The following SMC5 variants were observed in gnomAD, a reference collection of about 807,000 sequenced individuals.
The protein encoded by SMC5 is structural maintenance of chromosomes 5.
SMC5 carries 88 observed loss-of-function variants against 148.3 expected under a neutral mutation model. The ratio of observed to expected loss-of-function variants is 0.59; its 90% CI spans 0.50 to 0.71. SMC5 has a LOEUF of 0.71. Ranked by LOEUF, SMC5 falls within the 30% of genes least tolerant of loss-of-function variation. SMC5 has a pLI of 0.00. For synonymous variants in SMC5, 421 were observed against 432.8 expected, an observed-to-expected ratio of 0.97 and a Z score of 0.34; for missense variants, 1,142 against 1,298.9, an observed-to-expected ratio of 0.88 and a Z score of 1.86.
chr9:70,278,629 C>G lies in SMC5; in HGVS notation c.678+4C>G. The G allele has an allele frequency of 6.3e-7, 1 of 1,595,182 alleles. No individual in the cohort carries two copies. The highest frequency in any genetic ancestry group is 2.2e-5 in the East Asian group (1 of 44,532). Reference sequence around the variant, plus strand: ...GGAGAAAGAAAAACAGCTCGAGGTACTTTAAATAGACAACTCATTTGTATT... The same window carrying G: ...GGAGAAAGAAAAACAGCTCGAGGTAGTTTAAATAGACAACTCATTTGTATT... On this transcript the variant is annotated splice_donor_region_variant and intron_variant, in intron 5 of 24. Transcript: ENST00000361138.
rs776013279 is a variant in SMC5, at chr9:70,347,649, G to A, written c.2701G>A (p.Glu901Lys). ...QEYTKREEEI[E>K]QLTEELKGKK... The stretch of plus-strand genomic sequence containing the variant: ...ATATACAAAAAGAGAAGAAGAAATA[G>A]AACAGTTAACTGAGGAACTAAAGGG... The change falls in exon 21 of 25, where the codon GAA becomes AAA. Residue 901 changes from glutamate (E) to lysine (K), a missense_variant. By Grantham distance (56) the Glu-to-Lys change is moderately conservative. Around this residue, in one of 5 missense-constraint regions of SMC5, gnomAD observed 743 missense variants for 835.7 expected, o/e 0.89. Coordinates refer to ENST00000361138, the MANE Select transcript of SMC5 (RefSeq NM_015110.4). 1.3e-6 allele frequency: 2 copies of A among 1,582,430 alleles called. No homozygotes were observed. The highest frequency in any genetic ancestry group is 1.7e-6 in the Non-Finnish European group (2 of 1,169,542).
chr9:70,350,418 G>A lies in SMC5; in HGVS notation c.3112G>A (p.Val1038Ile), dbSNP rs747781398. 6.2e-7 allele frequency: 1 copy of A among 1,604,688 alleles called. No homozygotes were observed. The highest frequency in any genetic ancestry group is 8.5e-7 in the Non-Finnish European group (1 of 1,177,456). The change falls in exon 24 of 25, where the codon GTA becomes ATA. Residue 1038 changes from valine to isoleucine, a missense_variant. Transcript: ENST00000361138. ...TGAACGGAGAGTGTTTGAAATGGTT[G>A]TAAATACTGCCTGTAAAGAAAATAC... ...INERRVFEMV[V>I]NTACKENTSQ... is the part of the protein sequence containing the mutation.
At chr9:70,306,897 C>G (rs1251110129) in intron 11 of SMC5, among the ~76,000 whole-genome samples, 2 of 152,158 alleles carry the variant, frequency 1.3e-5, no homozygotes, top group African/African-American at 4.8e-5. Flanking sequence ...ATTGTATCTA[C>G]TAGAGTACCA....
At chr9:70,327,023 T>C (rs1203754005) in intron 17 of SMC5, among the ~76,000 whole-genome samples, 1 of 152,202 alleles carries the variant, frequency 6.6e-6, no homozygotes, top group African/African-American at 2.4e-5. Context: ...TAAAAGAAGA[T>C]ACATAATAAA....
chr9:70,347,101 T>C lies in SMC5; in HGVS notation c.2604T>C (p.Ile868=), dbSNP rs116487684. The part of the protein sequence containing the change: ...FQDLPNTLDE[I]DALLTEERSR... The stretch of plus-strand genomic sequence containing the variant: ...ACCTTCCAAACACATTGGATGAAAT[T>C]GATGCTTTATTAACTGAAGAAAGAT... Residue 868 remains isoleucine, a synonymous_variant, in exon 20 of 25, where the codon ATT becomes ATC. Coordinates refer to ENST00000361138, the MANE Select transcript of SMC5 (RefSeq NM_015110.4). The C allele has an allele frequency of 3.1e-6, 5 of 1,614,020 alleles. No individual in the cohort carries two copies. The East Asian group carries it at 6.7e-5, about 22-fold the overall frequency.
At chr9:70,297,477 G>C (rs2035232557) in intron 8 of SMC5, among the ~76,000 whole-genome samples, 1 of 152,196 alleles carries the variant, frequency 6.6e-6, no homozygotes, top group Non-Finnish European at 1.5e-5. Context: ...GTGGTGTCAT[G>C]TCAGCACTAA....
chr9:70,304,115 G>T (rs537849206), intron 10 of SMC5, among the ~76,000 whole-genome samples: 1 of 152,156 alleles, frequency 6.6e-6, no homozygotes, highest in East Asian at 1.9e-4. Flanking sequence ...TTTAGAGACA[G>T]TTTCACTCTG....
chr9:70,263,775 G>C (rs1361648832), intron 1 of SMC5, among the ~76,000 whole-genome samples: 1 of 152,130 alleles, frequency 6.6e-6, no homozygotes, highest in Non-Finnish European at 1.5e-5. Flanking sequence ...ACATACCATG[G>C]TGCCTGGCTT....
At chr9:70,297,292 C>CT (rs2035227191) in intron 8 of SMC5, among the ~76,000 whole-genome samples, 1 of 152,228 alleles carries the variant, frequency 6.6e-6, no homozygotes, top group African/African-American at 2.4e-5. Flanking sequence ...GTGTCGCTGT[C>CT]TCAGCCACCC....
chr9:70,282,626 A>G lies in SMC5; in HGVS notation c.981+43A>G, dbSNP rs777533784. ...TTTTGGATTATCTGAATTTTATTTT[A>G]GCAAATATAAAAAATATTTTGCAGG... On this transcript the variant is annotated intron_variant, in intron 7 of 24. Transcript: ENST00000361138. The G allele has an allele frequency of 6.6e-6, 10 of 1,507,638 alleles. No homozygotes were observed. In the South Asian group the frequency reaches 1.1e-4, roughly 16 times the overall value. 93.4% of individuals were successfully genotyped at this position (1,507,638 alleles called of 1,614,324 possible). A position where few individuals can be genotyped will look rare whatever the true frequency, so the allele number is the denominator to read the frequency against.
chr9:70,329,957 G>T (rs552941212), intron 17 of SMC5, among the ~76,000 whole-genome samples: 1 of 152,214 alleles, frequency 6.6e-6, no homozygotes, highest in South Asian at 2.1e-4. Flanking sequence ...AGAGAGAAGG[G>T]GGAAGTGCTG....
At chr9:70,263,823 T>C (rs966175537) in intron 1 of SMC5, among the ~76,000 whole-genome samples, 1 of 152,206 alleles carries the variant, frequency 6.6e-6, no homozygotes, top group African/African-American at 2.4e-5. Context: ...ATGAAACCTT[T>C]GGGTTGAGAT....
intron 10 of SMC5, among the ~76,000 whole-genome samples, chr9:70,304,709 AAAATAGATCAAT>A (rs2035452044): frequency 6.6e-6 from 1 of 152,168 alleles, no homozygotes; most frequent in South Asian, 2.1e-4. Context: ...GAGAAAAGTA[AAAATAGATCAAT>A]AAGATTATGT....
intron 17 of SMC5, among the ~76,000 whole-genome samples, chr9:70,342,231 G>A (rs2036546075): frequency 8.1e-6 from 1 of 124,040 alleles, no homozygotes; most frequent in East Asian, 2.5e-4. Context: ...ACAGTCTGGG[G>A]ACTGTTGTGG....
Position 70,282,528 on chromosome 9 carries a change from G to A in SMC5, c.926G>A (p.Arg309Gln), listed in dbSNP as rs145999559. 8 of 1,594,160 alleles carry A rather than the reference G, an allele frequency of 5.0e-6. No homozygotes were observed. The highest frequency in any genetic ancestry group is 6.8e-6 in the Non-Finnish European group (8 of 1,173,194). The change falls in exon 7 of 25, where the codon CGA (arginine) becomes CAA (glutamine). Residue 309 changes from arginine to glutamine, a missense_variant. Arg to Gln is a conservative substitution (Grantham distance 43). Transcript: ENST00000361138. ...LKEGQIPVTC[R>Q]IEEMENERHN... ...GAAGGGCAGATTCCTGTAACATGTC[G>A]AATTGAAGAAATGGAAAACGAGCGT... is the stretch of plus-strand genomic sequence containing the variant.
chr9:70,287,420 A>C (rs1442144250), intron 8 of SMC5, among the ~76,000 whole-genome samples: 1 of 152,168 alleles, frequency 6.6e-6, no homozygotes, highest in Non-Finnish European at 1.5e-5. Flanking sequence ...GCCTGACGAC[A>C]AAATTATGTT....
At chr9:70,292,745 C>G (rs1388451458) in intron 8 of SMC5, among the ~76,000 whole-genome samples, 1 of 152,088 alleles carries the variant, frequency 6.6e-6, no homozygotes, top group African/African-American at 2.4e-5. Flanking sequence ...AAATGCTTTT[C>G]TGCATCTATT....
intron 5 of SMC5, 36 bp from the exon 6 acceptor site, chr9:70,280,722 TC>T: frequency 6.4e-7 from 1 of 1,566,580 alleles, no homozygotes; most frequent in Non-Finnish European, 8.6e-7. Flanking sequence ...TGTCATTTTT[TC>T]TGTCAAACTG....
In SMC5 at chr9:70,318,309, G is replaced by T. The variant is rs1187916445; in HGVS notation, c.1807-205G>T. Among the ~76,000 whole-genome samples, 3 of 151,950 alleles carry T rather than the reference G, an allele frequency of 2.0e-5. No homozygotes were observed. In the East Asian group the frequency reaches 5.8e-4, roughly 29 times the overall value. On this transcript the variant is annotated intron_variant, in intron 13 of 24. Coordinates refer to ENST00000361138, the MANE Select transcript of SMC5 (RefSeq NM_015110.4). ...AGGCTGAAGTGGAAGGATCACTTGA[G>T]CCTGGGGGGTTGAGGCTGGAGTAAG...
Sources: gnomAD v4.1 joint callset for allele counts (sites outside exome capture counted in the v4.1 genomes callset) on GRCh38, gnomAD v4.1.1 for gene constraint, gnomAD v4.1.1 regional missense constraint, MANE v1.5 for transcripts, NCBI Gene and HGNC (gene_info 2026-07-23, HGNC 2026-07-21) for gene names.